Variants in PPP1R9A observed in about 807,000 individuals in gnomAD.
PPP1R9A encodes neurabin-1.
A neutral mutation model predicts 141.9 loss-of-function variants in PPP1R9A; 59 were observed. That is an observed-to-expected ratio of 0.42 (90% confidence interval 0.34 to 0.52). PPP1R9A has a LOEUF of 0.52. Ranked by LOEUF, PPP1R9A falls within the 20% of genes least tolerant of loss-of-function variation. The probability of loss-of-function intolerance (pLI) is 0.10; values close to 1 mark genes in which losing one functional copy is unlikely to be tolerated. For synonymous variants in PPP1R9A, 500 were observed against 569.7 expected (o/e 0.88, Z 1.74); for missense variants, 1,444 against 1,611.9 (o/e 0.90, Z 1.78).
At chr7:95,119,338 T>C (rs1056192547) in intron 3 of PPP1R9A, among the ~76,000 whole-genome samples, 4 of 151,722 alleles carry the variant, frequency 2.6e-5, no homozygotes, top group Non-Finnish European at 5.9e-5. Flanking sequence ...ACCAGTAAAA[T>C]GGAAATAAAA....
chr7:95,154,700 A>G (rs1829302684), intron 4 of PPP1R9A: 1 of 152,148 alleles, frequency 6.6e-6, no homozygotes, highest in South Asian at 2.1e-4. Context: ...AATGAGAGAG[A>G]ATGACTTCTG....
At chr7:95,229,543 A>G (rs1199194573) in intron 8 of PPP1R9A, among the ~76,000 whole-genome samples, 1 of 151,952 alleles carries the variant, frequency 6.6e-6, no homozygotes, top group African/African-American at 2.4e-5. Flanking sequence ...AGAGGCAGCC[A>G]TAATCCCCCT....
intron 2 of PPP1R9A, among the ~76,000 whole-genome samples, chr7:94,979,716 G>T (rs1205074001): frequency 1.3e-5 from 2 of 152,132 alleles, no homozygotes; most frequent in Non-Finnish European, 2.9e-5. Flanking sequence ...CTTAGGTGAA[G>T]GAGTAAGGCT....
At chr7:95,026,600 A>G (rs1806878488) in intron 2 of PPP1R9A, among the ~76,000 whole-genome samples, 1 of 152,064 alleles carries the variant, frequency 6.6e-6, no homozygotes, top group Non-Finnish European at 1.5e-5. Flanking sequence ...CCTTAGTGGA[A>G]CTCAAATACT....
chr7:95,223,676 C>G (rs1217515544), intron 7 of PPP1R9A, among the ~76,000 whole-genome samples: 1 of 151,960 alleles, frequency 6.6e-6, no homozygotes, highest in Non-Finnish European at 1.5e-5. Flanking sequence ...ATGTTTAAAA[C>G]GTGCCACATT....
chr7:95,185,940 T>C (rs1834581541), intron 5 of PPP1R9A, among the ~76,000 whole-genome samples: 1 of 152,192 alleles, frequency 6.6e-6, no homozygotes, highest in Admixed American at 6.5e-5. Flanking sequence ...GTAGTATAAT[T>C]TGAAGTCAGG....
At chr7:95,157,170 G>A (rs948071344) in intron 4 of PPP1R9A, among the ~76,000 whole-genome samples, 8 of 152,188 alleles carry the variant, frequency 5.3e-5, no homozygotes, top group Admixed American at 2.6e-4. Context: ...CAAGATGGGA[G>A]CAGGTGCCCA....
intron 12 of PPP1R9A, among the ~76,000 whole-genome samples, chr7:95,264,679 T>G (rs1435194664): frequency 6.6e-6 from 1 of 152,192 alleles, no homozygotes; most frequent in Non-Finnish European, 1.5e-5. Flanking sequence ...ACTTCATATC[T>G]TCTGTGTATT....
At chr7:95,135,967 T>C (rs1190689919) in intron 4 of PPP1R9A, among the ~76,000 whole-genome samples, 1 of 149,132 alleles carries the variant, frequency 6.7e-6, no homozygotes, top group Non-Finnish European at 1.5e-5. Context: ...ATAAATTAAA[T>C]ATTTGAAAGA....
At chr7:95,078,484 G>C (rs1427265325) in intron 2 of PPP1R9A, among the ~76,000 whole-genome samples, 1 of 151,806 alleles carries the variant, frequency 6.6e-6, no homozygotes, top group Admixed American at 6.6e-5. Flanking sequence ...ATAGTCCTTT[G>C]GGTATATACC....
intron 5 of PPP1R9A, among the ~76,000 whole-genome samples, chr7:95,179,410 C>T (rs1291777400): frequency 1.3e-5 from 2 of 152,094 alleles, no homozygotes; most frequent in Non-Finnish European, 2.9e-5. Context: ...AACCCACAGC[C>T]ATCATAATAC....
intron 5 of PPP1R9A, among the ~76,000 whole-genome samples, chr7:95,176,805 C>T (rs1832974850): frequency 6.6e-6 from 1 of 152,042 alleles, no homozygotes; most frequent in African/African-American, 2.4e-5. Context: ...TTAACCCAAT[C>T]CAACAAAGAC....
intron 2 of PPP1R9A, among the ~76,000 whole-genome samples, chr7:95,011,173 CATTAATATCTGA>C (rs1282311641): frequency 6.6e-6 from 1 of 152,074 alleles, no homozygotes; most frequent in African/African-American, 2.4e-5. Flanking sequence ...ATCATGCAAA[CATTAATATCTGA>C]ATTAAACATA....
intron 2 of PPP1R9A, among the ~76,000 whole-genome samples, chr7:95,110,932 A>C (rs954050789): frequency 1.1e-4 from 17 of 152,138 alleles, no homozygotes; most frequent in Non-Finnish European, 1.9e-4. Flanking sequence ...CCTTAGTTTT[A>C]TTGGGAAACA....
intron 2 of PPP1R9A, among the ~76,000 whole-genome samples, chr7:94,944,286 T>C (rs756530725): frequency 6.6e-6 from 1 of 152,110 alleles, no homozygotes; most frequent in Non-Finnish European, 1.5e-5. Context: ...CCTTCTACTC[T>C]AACACATATC....
chr7:95,253,050 G>A (rs1279507360), intron 12 of PPP1R9A, among the ~76,000 whole-genome samples: 3 of 152,286 alleles, frequency 2.0e-5, no homozygotes, highest in East Asian at 1.9e-4. Flanking sequence ...TAGATTGCAC[G>A]TGTATGAACA....
intron 16 of PPP1R9A, among the ~76,000 whole-genome samples, chr7:95,283,807 C>T (rs549832971): frequency 1.0e-3 from 159 of 152,228 alleles, no homozygotes; most frequent in Middle Eastern, 6.8e-3. Context: ...AATAGCAATA[C>T]GAAAATGTTG....
rs577403969 is a variant in PPP1R9A at position 95,113,936 on chromosome 7, A to C, written c.1528+2545A>C. 3.3e-5 allele frequency among the ~76,000 whole-genome samples: 5 copies of C among 152,374 alleles called. No individual in the cohort carries two copies. The South Asian group carries it at 6.2e-4, about 19-fold the overall frequency. ...AGTCATATTACACCAAACATGACTGATGGATTACTCCTGTTAAAAGACACT... is the reference window on the plus strand; with the variant it reads ...AGTCATATTACACCAAACATGACTGCTGGATTACTCCTGTTAAAAGACACT... On this transcript the variant is annotated intron_variant, in intron 3 of 19. Transcript: ENST00000433360.
At chr7:94,937,690 C>G (rs779309726) in intron 2 of PPP1R9A, among the ~76,000 whole-genome samples, 1 of 151,972 alleles carries the variant, frequency 6.6e-6, no homozygotes, top group South Asian at 2.1e-4. Flanking sequence ...GGGGTGAGAA[C>G]CTTTATGTAA....
Sources: allele counts gnomAD v4.1 joint callset (sites outside exome capture counted in the v4.1 genomes callset), GRCh38; gene constraint gnomAD v4.1.1; transcripts MANE v1.5; gene names NCBI Gene and HGNC (gene_info 2026-07-23, HGNC 2026-07-21).